The following SEMA6D variants were observed in gnomAD, a reference collection of about 807,000 sequenced individuals.
SEMA6D encodes semaphorin-6D.
In SEMA6D, 35 loss-of-function variants were observed where a neutral mutation model predicts 106.6. That is an observed-to-expected ratio of 0.33 (90% CI 0.25 to 0.44). The LOEUF (loss-of-function observed/expected upper bound fraction) is 0.44, where lower values mean the gene tolerates loss of function less well. Among genes scored for constraint, SEMA6D ranks in the 20% least tolerant of loss-of-function variants. SEMA6D has a pLI of 1.00. For synonymous variants in SEMA6D, 499 were observed against 487.7 expected (o/e 1.02, Z -0.31); for missense variants, 1,185 against 1,345.9 (o/e 0.88, Z 1.87).
intron 1 of SEMA6D, among the ~76,000 whole-genome samples, chr15:47,253,712 G>A (rs2033643336): frequency 6.6e-6 from 1 of 152,228 alleles, no homozygotes; most frequent in East Asian, 1.9e-4. Context: ...TGGTCTATGT[G>A]TCTGATTTTT....
At chr15:47,738,480 C>A (rs1269710393) in intron 1 of SEMA6D, among the ~76,000 whole-genome samples, 2 of 152,118 alleles carry the variant, frequency 1.3e-5, no homozygotes, top group Admixed American at 1.3e-4. Context: ...AAGACTGGGA[C>A]AAGACATTTT....
At chr15:47,404,688 A>G (rs923074241) in intron 1 of SEMA6D, among the ~76,000 whole-genome samples, 19 of 152,152 alleles carry the variant, frequency 1.2e-4, no homozygotes, top group African/African-American at 4.1e-4. Flanking sequence ...TCATCACTAT[A>G]GTGTGTCTCA....
chr15:47,423,087 T>C (rs527409078), intron 2 of SEMA6D, among the ~76,000 whole-genome samples: 29 of 152,218 alleles, frequency 1.9e-4, no homozygotes, highest in African/African-American at 6.3e-4. Flanking sequence ...AGTTCCTGTT[T>C]CTTCCGAATG....
At chr15:47,568,410 A>G (rs1052997587) in intron 3 of SEMA6D, among the ~76,000 whole-genome samples, 13 of 152,158 alleles carry the variant, frequency 8.5e-5, no homozygotes, top group Admixed American at 7.9e-4. Context: ...ATATTAGTAA[A>G]AATGATTTAA....
intron 1 of SEMA6D, among the ~76,000 whole-genome samples, chr15:47,319,267 C>G (rs2036827868): frequency 6.6e-6 from 1 of 152,086 alleles, no homozygotes; most frequent in African/African-American, 2.4e-5. Flanking sequence ...TTTTAAATTC[C>G]CAGTCTTATA....
chr15:47,700,905 C>A (rs1232032326), intron 4 of SEMA6D, among the ~76,000 whole-genome samples: 1 of 152,072 alleles, frequency 6.6e-6, no homozygotes, highest in African/African-American at 2.4e-5. Context: ...CAACTGGATA[C>A]ACACTTGGAA....
chr15:47,290,452 A>G (rs755078406), intron 1 of SEMA6D, among the ~76,000 whole-genome samples: 1 of 152,206 alleles, frequency 6.6e-6, no homozygotes, highest in Non-Finnish European at 1.5e-5. Context: ...CTGTGTAAGT[A>G]GAAGAATGAC....
At chr15:47,369,787 A>T (rs185108646) in intron 1 of SEMA6D, among the ~76,000 whole-genome samples, 2 of 152,230 alleles carry the variant, frequency 1.3e-5, no homozygotes, top group Non-Finnish European at 2.9e-5. Flanking sequence ...TGACTAGATA[A>T]TCTACATACA....
At chr15:47,329,458 C>A (rs2037257963) in intron 1 of SEMA6D, among the ~76,000 whole-genome samples, 1 of 152,074 alleles carries the variant, frequency 6.6e-6, no homozygotes, top group Non-Finnish European at 1.5e-5. Context: ...ACTAAACAGG[C>A]GTATAAGGTT....
chr15:47,570,346 A>G (rs1232050623), intron 3 of SEMA6D, among the ~76,000 whole-genome samples: 1 of 152,158 alleles, frequency 6.6e-6, no homozygotes, highest in Non-Finnish European at 1.5e-5. Context: ...CACCTGGAAG[A>G]AGCTTTTTGT....
At chr15:47,610,797 C>A (rs1433475441) in intron 4 of SEMA6D, among the ~76,000 whole-genome samples, 2 of 152,136 alleles carry the variant, frequency 1.3e-5, no homozygotes, top group African/African-American at 4.8e-5. Flanking sequence ...TAATAAGCTG[C>A]AGAAATGCCC....
intron 18 of SEMA6D, among the ~76,000 whole-genome samples, chr15:47,769,429 A>G (rs1056774044): frequency 2.6e-5 from 4 of 152,096 alleles, no homozygotes; most frequent in African/African-American, 9.7e-5. Flanking sequence ...TTCATTTTAT[A>G]TGTTTTCGTT....
chr15:47,315,768 G>T (rs1273392013), intron 1 of SEMA6D, among the ~76,000 whole-genome samples: 3 of 152,082 alleles, frequency 2.0e-5, no homozygotes, highest in Non-Finnish European at 4.4e-5. Context: ...GACTTAGTAT[G>T]AGAGTTTTTA....
At chr15:47,332,887 C>T (rs1326330108) in intron 1 of SEMA6D, among the ~76,000 whole-genome samples, 1 of 152,126 alleles carries the variant, frequency 6.6e-6, no homozygotes, top group Non-Finnish European at 1.5e-5. Flanking sequence ...ACCATTCAGC[C>T]ACAGGCGCAA....
intron 13 of SEMA6D, chr15:47,765,480 T>TA (rs58590153): frequency 0.053 from 41,684 of 784,420 alleles, no homozygotes; most frequent in Middle Eastern, 0.06. Context: ...TTTAGACCAT[T>TA]AAAAAAAAAA....
chr15:47,750,325 A>G (rs1180486467), intron 1 of SEMA6D, among the ~76,000 whole-genome samples: 1 of 152,190 alleles, frequency 6.6e-6, no homozygotes, highest in Non-Finnish European at 1.5e-5. Context: ...GGAGGAGAAC[A>G]TGGATTCTTA....
chr15:47,196,815 A>T (rs1053140896), intron 1 of SEMA6D, among the ~76,000 whole-genome samples: 2 of 152,224 alleles, frequency 1.3e-5, no homozygotes, highest in Admixed American at 6.5e-5. Context: ...GCACGAGGCT[A>T]CAGCATCCAT....
chr15:47,586,985 T>A (rs949055336), intron 3 of SEMA6D, among the ~76,000 whole-genome samples: 1 of 146,630 alleles, frequency 6.8e-6, no homozygotes, highest in African/African-American at 2.5e-5. Flanking sequence ...TGCCAAAGGG[T>A]AGGCTAGAGG....
At chr15:47,586,418 A>G (rs1790828798) in intron 3 of SEMA6D, among the ~76,000 whole-genome samples, 1 of 152,300 alleles carries the variant, frequency 6.6e-6, no homozygotes, top group East Asian at 1.9e-4. Flanking sequence ...ACTGTAGGGC[A>G]GTCTTGGTTG....
Sources: gnomAD v4.1 joint callset for allele counts (sites outside exome capture counted in the v4.1 genomes callset) on GRCh38, gnomAD v4.1.1 for gene constraint, MANE v1.5 for transcripts, NCBI Gene and HGNC (gene_info 2026-07-23, HGNC 2026-07-21) for gene names.